Variants in PPM1L observed in about 807,000 individuals in gnomAD.
The protein encoded by PPM1L is protein phosphatase, Mg2+/Mn2+ dependent 1L, also known as protein phosphatase 1L.
A neutral mutation model predicts 31.4 loss-of-function variants in PPM1L; 13 were observed. The observed-to-expected ratio is 0.41, with a 90% confidence interval of 0.27 to 0.66. The LOEUF is 0.66. Ranked by LOEUF, PPM1L falls within the 30% of genes least tolerant of loss-of-function variation. PPM1L has a pLI of 0.29. For missense variants in PPM1L, 326 were observed against 453.7 expected (o/e 0.72, Z 2.56); for synonymous variants, 184 against 175.4 (o/e 1.05, Z -0.39).
rs572803512 is a variant in PPM1L at position 160,915,915 on chromosome 3, G to T, written c.400-45821G>T. On this transcript the variant is annotated intron_variant, in intron 1 of 3. Transcript: ENST00000498165. ...CCTTATACAAAAATTAATTCAAGAT[G>T]GATTAAAGACTTAAATGTTAGACCT... is the stretch of plus-strand genomic sequence containing the variant. 2.2e-4 allele frequency among the ~76,000 whole-genome samples: 33 copies of T among 152,172 alleles called. 1 individual carries two copies. In the South Asian group the frequency reaches 3.5e-3, roughly 16 times the overall value.
chr3:160,803,622 A>C (rs1038665102), intron 1 of PPM1L, among the ~76,000 whole-genome samples: 2 of 152,158 alleles, frequency 1.3e-5, no homozygotes, highest in East Asian at 3.9e-4. Context: ...GTTCATACTA[A>C]TATATGTAGA....
intron 2 of PPM1L, among the ~76,000 whole-genome samples, chr3:161,030,719 T>C (rs1241412574): frequency 1.3e-5 from 2 of 152,312 alleles, no homozygotes; most frequent in African/African-American, 4.8e-5. Flanking sequence ...CAAAGCCATA[T>C]ATCTCCTTCC....
intron 1 of PPM1L, among the ~76,000 whole-genome samples, chr3:160,895,237 G>A (rs1339892683): frequency 6.6e-6 from 1 of 152,122 alleles, no homozygotes; most frequent in African/African-American, 2.4e-5. Flanking sequence ...TTTAGAGACA[G>A]GATCTCATTC....
rs10575984 is a variant in PPM1L at position 160,801,128 on chromosome 3, T to TACACAC, written c.399+44454_399+44459dup. ...GTAAGGTTTACTAAATGTTTAGTGA[T>TACACAC]ACACACACACACACACACACACACA... On this transcript the variant is annotated intron_variant, in intron 1 of 3. Coordinates refer to ENST00000498165, the MANE Select transcript of PPM1L (RefSeq NM_139245.4). 6.6e-3 allele frequency among the ~76,000 whole-genome samples: 960 copies of TACACAC among 145,676 alleles called. 5 individuals are homozygous for TACACAC. Among genetic ancestry groups the TACACAC allele is most frequent in the Middle Eastern group, 0.022 (6 of 278 alleles).
chr3:160,991,169 C>T, intron 2 of PPM1L, among the ~76,000 whole-genome samples: 1 of 151,946 alleles, frequency 6.6e-6, no homozygotes, highest in East Asian at 1.9e-4. Context: ...TCAAAGTCGT[C>T]CTGGGCTGGT....
At chr3:160,759,744 C>T (rs1033457753) in intron 1 of PPM1L, among the ~76,000 whole-genome samples, 1 of 152,244 alleles carries the variant, frequency 6.6e-6, no homozygotes, top group Non-Finnish European at 1.5e-5. Context: ...CAGGAAAAAA[C>T]GCCTTGAAGG....
intron 1 of PPM1L, among the ~76,000 whole-genome samples, chr3:160,881,497 T>TA (rs1305330089): frequency 2.0e-5 from 3 of 152,172 alleles, no homozygotes; most frequent in Non-Finnish European, 4.4e-5. Flanking sequence ...CCAATATATT[T>TA]AAAAAATAAT....
chr3:160,997,780 C>T (rs990104991), intron 2 of PPM1L, among the ~76,000 whole-genome samples: 1 of 152,144 alleles, frequency 6.6e-6, no homozygotes, highest in Non-Finnish European at 1.5e-5. Context: ...CAAAGAAGCA[C>T]ATATAGTCTG....
chr3:160,763,202 C>T (rs916822577), intron 1 of PPM1L, among the ~76,000 whole-genome samples: 1 of 152,184 alleles, frequency 6.6e-6, no homozygotes, highest in South Asian at 2.1e-4. Context: ...CCTGCTTGCT[C>T]CCTTTGCAGG....
chr3:160,881,801 C>T (rs1712729874), intron 1 of PPM1L, among the ~76,000 whole-genome samples: 1 of 152,148 alleles, frequency 6.6e-6, no homozygotes. Context: ...CCTGTAATCC[C>T]AGCACTTTGG....
chr3:160,796,620 C>T (rs1260436292), intron 1 of PPM1L, among the ~76,000 whole-genome samples: 1 of 152,142 alleles, frequency 6.6e-6, no homozygotes, highest in East Asian at 1.9e-4. Flanking sequence ...CTTTGGCTAT[C>T]TCTGGGAAGC....
intron 2 of PPM1L, among the ~76,000 whole-genome samples, chr3:160,984,133 C>T (rs1437870604): frequency 6.6e-6 from 1 of 152,198 alleles, no homozygotes; most frequent in Non-Finnish European, 1.5e-5. Flanking sequence ...CTAATCCTAG[C>T]AAGCCTTGGG....
chr3:160,787,003 ATT>A (rs1711956103), intron 1 of PPM1L, among the ~76,000 whole-genome samples: 1 of 152,134 alleles, frequency 6.6e-6, no homozygotes, highest in African/African-American at 2.4e-5. Context: ...TCTATCCATC[ATT>A]GAGGGGCATC....
intron 1 of PPM1L, among the ~76,000 whole-genome samples, chr3:160,829,796 G>T (rs754749968): frequency 1.3e-5 from 2 of 152,136 alleles, no homozygotes; most frequent in Non-Finnish European, 2.9e-5. Flanking sequence ...GGTTTATCAG[G>T]AGGTGGGAGG....
At chr3:160,995,574 A>C (rs530985186) in intron 2 of PPM1L, among the ~76,000 whole-genome samples, 1 of 151,766 alleles carries the variant, frequency 6.6e-6, no homozygotes, top group East Asian at 1.9e-4. Flanking sequence ...ACCTGCCTCA[A>C]CCTCCCCAAG....
At chr3:160,808,383 C>CTGTGTGTGTGTG (rs71912617) in intron 1 of PPM1L, among the ~76,000 whole-genome samples, 1 of 110,310 alleles carries the variant, frequency 9.1e-6, no homozygotes, top group Non-Finnish European at 1.9e-5. Flanking sequence ...CAGGATTTTC[C>CTGTGTGTGTGTG]TGTGTGTGTG....
At chr3:161,026,421 C>T (rs1056813635) in intron 2 of PPM1L, among the ~76,000 whole-genome samples, 10 of 152,170 alleles carry the variant, frequency 6.6e-5, no homozygotes, top group African/African-American at 2.2e-4. Flanking sequence ...GACGGCCGGG[C>T]GTGGTGGCTC....
intron 3 of PPM1L, among the ~76,000 whole-genome samples, chr3:161,066,218 T>C (rs1719735788): frequency 6.6e-6 from 1 of 152,200 alleles, no homozygotes; most frequent in Non-Finnish European, 1.5e-5. Context: ...AAGTAAATAT[T>C]TCAGAGCAAG....
intron 2 of PPM1L, among the ~76,000 whole-genome samples, chr3:161,025,830 C>T (rs966591243): frequency 6.6e-6 from 1 of 152,068 alleles, no homozygotes; most frequent in African/African-American, 2.4e-5. Context: ...TAAACAAAAA[C>T]TCTTTGAGAT....
Sources: allele counts gnomAD v4.1 joint callset (sites outside exome capture counted in the v4.1 genomes callset), GRCh38; gene constraint gnomAD v4.1.1; transcripts MANE v1.5; gene names NCBI Gene and HGNC (gene_info 2026-07-23, HGNC 2026-07-21).